Variants in LRRK1 observed in about 807,000 individuals in gnomAD.
LRRK1 encodes the protein leucine-rich repeat serine/threonine-protein kinase 1.
In LRRK1, 113 loss-of-function variants were observed where a neutral mutation model predicts 209.1. The observed-to-expected ratio is 0.54, with a 90% CI of 0.46 to 0.63. LRRK1 has a LOEUF of 0.63. LRRK1 is among the 30% of genes least tolerant of loss of function. The probability of loss-of-function intolerance (pLI) is 0.00; values close to 1 mark genes in which losing one functional copy is unlikely to be tolerated. For synonymous variants in LRRK1, 1,144 were observed against 1,099.7 expected (o/e 1.04, Z -0.80); for missense variants, 2,284 against 2,632.2 (o/e 0.87, Z 2.89).
chr15:101,070,810 C>T lies in LRRK1; in HGVS notation c.*1962C>T, dbSNP rs1254752089. The T allele has an allele frequency of 6.7e-6, 1 of 148,792 alleles. No homozygotes were observed. The highest frequency in any genetic ancestry group is 1.5e-5 in the Non-Finnish European group (1 of 67,224). The allele number at this position is 148,792 out of a possible 1,614,324, so 9.2% of individuals were successfully genotyped here. ...AACTCTTAAAAAAAAAAAAAAAATA[C>T]AGGAAATGACTAATGAACTTGACTC... is the stretch of plus-strand genomic sequence containing the variant. On this transcript the variant is annotated 3_prime_UTR_variant, in exon 34 of 34. Coordinates refer to ENST00000388948, the MANE Select transcript of LRRK1 (RefSeq NM_024652.6).
At chr15:100,935,185 C>T (rs917238395) in intron 2 of LRRK1, among the ~76,000 whole-genome samples, 12 of 152,204 alleles carry the variant, frequency 7.9e-5, no homozygotes, top group African/African-American at 2.9e-4. Flanking sequence ...CTGCACTCTA[C>T]TGTCAGGAGT....
rs1296002119 is a variant in LRRK1, at chr15:101,046,158, A to T, written c.3135+6A>T. On this transcript the variant is annotated splice_donor_region_variant and intron_variant, in intron 21 of 33. Transcript: ENST00000388948. ...TGGCGGAGATGGACCTGCAGGTATTATGGCTGCGGTTTCTGCATAGACAGA... is the reference window on the plus strand; with the variant it reads ...TGGCGGAGATGGACCTGCAGGTATTTTGGCTGCGGTTTCTGCATAGACAGA... 1 of 1,613,788 alleles carries T rather than the reference A, an allele frequency of 6.2e-7. No homozygotes were observed. Among genetic ancestry groups the T allele is most frequent in the African/African-American group, 1.3e-5 (1 of 74,932 alleles).
intron 3 of LRRK1, among the ~76,000 whole-genome samples, chr15:100,980,737 C>T (rs186447810): frequency 2.6e-5 from 4 of 152,170 alleles, no homozygotes; most frequent in East Asian, 3.9e-4. Flanking sequence ...TCCACTTTTA[C>T]AGCACTTAAA....
intron 2 of LRRK1, among the ~76,000 whole-genome samples, chr15:100,931,649 G>T (rs954809653): frequency 1.3e-5 from 2 of 152,138 alleles, no homozygotes; most frequent in African/African-American, 4.8e-5. Context: ...GGGCTGGCGC[G>T]GGAGGCCAGG....
intron 29 of LRRK1, 126 bp from the exon 30 acceptor site, chr15:101,061,045 C>G (rs565623990): frequency 2.7e-6 from 2 of 733,586 alleles, no homozygotes; most frequent in South Asian, 3.3e-5. Flanking sequence ...CCTCTCAGAA[C>G]ACAGGATGCA....
At chr15:100,972,330 A>T (rs1174462791) in intron 2 of LRRK1, among the ~76,000 whole-genome samples, 1 of 118,730 alleles carries the variant, frequency 8.4e-6, no homozygotes, top group African/African-American at 3.4e-5. Context: ...ATATATATAT[A>T]TATATGAGAG....
Position 101,076,513 on chromosome 15 carries a change from C to T in LRRK1, c.*7665C>T, listed in dbSNP as rs1397371961. 2 of 152,262 alleles carry T rather than the reference C, an allele frequency of 1.3e-5. No homozygotes were observed. Among genetic ancestry groups the T allele is most frequent in the East Asian group, 1.9e-4 (1 of 5,202 alleles). 9.4% of individuals were successfully genotyped at this position (152,262 alleles called of 1,614,324 possible). A position where few individuals can be genotyped will look rare whatever the true frequency, so the allele number is the denominator to read the frequency against. The stretch of plus-strand genomic sequence containing the variant: ...TCTTCCCTGCTTCTCACCCTGATCA[C>T]ACTTGGTTTATGGATGGCAGTTCCA... On this transcript the variant is annotated 3_prime_UTR_variant, in exon 34 of 34. Coordinates refer to ENST00000388948, the MANE Select transcript of LRRK1 (RefSeq NM_024652.6).
At chr15:100,967,795 T>C (rs1481406887) in intron 2 of LRRK1, among the ~76,000 whole-genome samples, 2 of 152,260 alleles carry the variant, frequency 1.3e-5, no homozygotes, top group Non-Finnish European at 2.9e-5. Context: ...TCCACTCATT[T>C]TTAATGCATT....
At chr15:101,028,563 T>A (rs2034145614) in intron 19 of LRRK1, among the ~76,000 whole-genome samples, 1 of 152,258 alleles carries the variant, frequency 6.6e-6, no homozygotes, top group African/African-American at 2.4e-5. Flanking sequence ...AGAGTTGTCC[T>A]GTTCAGCCTC....
In LRRK1 at chr15:101,056,911, C is replaced by T; in HGVS notation, c.4388C>T (p.Pro1463Leu). 1 of 1,614,130 alleles carries T rather than the reference C, an allele frequency of 6.2e-7. No individual in the cohort carries two copies. Among genetic ancestry groups the T allele is most frequent in the Non-Finnish European group, 8.5e-7 (1 of 1,179,998 alleles). The part of the protein sequence containing the change: ...VLYELLSGQR[P>L]ALGHHQLQIA... The stretch of plus-strand genomic sequence containing the variant: ...TACGAGTTGCTGTCAGGACAGCGCC[C>T]TGCACTGGGCCACCACCAGCTCCAG... Residue 1463 changes from proline (P) to leucine (L), a missense_variant, in exon 28 of 34, where the codon CCT (proline) becomes CTT (leucine). Physicochemically the swap from Pro to Leu is moderately conservative, Grantham distance 98. This residue lies in a region of LRRK1 where 59 missense variants were observed against 103.8 expected (regional missense o/e 0.57). Transcript: ENST00000388948.
chr15:100,974,141 T>C, intron 3 of LRRK1, 174 bp downstream of exon 3: 1 of 479,246 alleles, frequency 2.1e-6, no homozygotes, highest in Non-Finnish European at 3.3e-6. Context: ...AACTGACTTC[T>C]CAGTCTGATA....
chr15:101,046,341 G>A (rs1276407600), intron 21 of LRRK1, among the ~76,000 whole-genome samples, 189 bp downstream of exon 21: 2 of 152,180 alleles, frequency 1.3e-5, no homozygotes, highest in African/African-American at 4.8e-5. Flanking sequence ...AGCCATCCTG[G>A]GAGTTCCAAA....
chr15:101,064,877 T>TGGGG lies in LRRK1; in HGVS notation c.4915-470_4915-467dup, dbSNP rs3840841. The TGGGG allele has an allele frequency of 2.8e-3, 446 of 161,196 alleles. 2 individuals carry two copies. Among genetic ancestry groups the TGGGG allele is most frequent in the African/African-American group, 9.8e-3 (400 of 40,852 alleles). The allele number at this position is 161,196 out of a possible 1,614,324, so 10.0% of individuals were successfully genotyped here. ...CATCCTTATGGAACACTCTGCCTGG[T>TGGGG]GGGGGGGGTGGCAGGCAGGGGGCAG... On this transcript the variant is annotated intron_variant, in intron 31 of 33. Coordinates refer to ENST00000388948, the MANE Select transcript of LRRK1 (RefSeq NM_024652.6).
chr15:101,022,077 G>A lies in LRRK1; in HGVS notation c.1852+120G>A. 1.4e-6 allele frequency: 1 copy of A among 692,848 alleles called. No individual in the cohort carries two copies. The highest frequency in any genetic ancestry group is 2.4e-6 in the Non-Finnish European group (1 of 412,254). 42.9% of individuals were successfully genotyped at this position (692,848 alleles called of 1,614,324 possible). A position where few individuals can be genotyped will look rare whatever the true frequency, so the allele number is the denominator to read the frequency against. On this transcript the variant is annotated intron_variant, in intron 14 of 33. Transcript: ENST00000388948. The surrounding 1 kb of genome is among the most constrained non-coding windows in gnomAD (Gnocchi z 4.0). Reference sequence around the variant, plus strand: ...CCATGGAGCCCAGCTCCAGGTTCCAGATTTGACAAGATGCTATAAAATTGT... The same window carrying A: ...CCATGGAGCCCAGCTCCAGGTTCCAAATTTGACAAGATGCTATAAAATTGT...
chr15:101,049,134 T>G (rs1445319390), intron 22 of LRRK1, among the ~76,000 whole-genome samples: 1 of 152,188 alleles, frequency 6.6e-6, no homozygotes, highest in African/African-American at 2.4e-5. Flanking sequence ...TTGAGAGCGG[T>G]AGACCTAAAG....
At chr15:100,972,366 G>A (rs2030973606) in intron 2 of LRRK1, among the ~76,000 whole-genome samples, 1 of 57,808 alleles carries the variant, frequency 1.7e-5, no homozygotes, top group Non-Finnish European at 3.6e-5. Flanking sequence ...GAGAGAGAGT[G>A]TGTGTGTGTG....
At chr15:100,941,394 G>GTC (rs2042418070) in intron 2 of LRRK1, among the ~76,000 whole-genome samples, 2 of 145,878 alleles carry the variant, frequency 1.4e-5, no homozygotes, top group African/African-American at 5.4e-5. Flanking sequence ...GTGTCTCTGT[G>GTC]TGTGTCTGTG....
At position 100,951,955 on chromosome 15, in the gene LRRK1, G is replaced by GAA. The variant is rs550237148; in HGVS notation, c.98-21839_98-21838dup. Among the ~76,000 whole-genome samples the GAA allele has an allele frequency of 3.8e-4, 51 of 135,212 alleles. 3 individuals are homozygous for GAA. Among genetic ancestry groups the GAA allele is most frequent in the East Asian group, 2.6e-3 (12 of 4,572 alleles). 88.7% of individuals were successfully genotyped at this position (135,212 alleles called of 152,430 possible). On this transcript the variant is annotated intron_variant, in intron 2 of 33. Transcript: ENST00000388948. The stretch of plus-strand genomic sequence containing the variant: ...GCAACAAGAGCGAAACTCCATCTCA[G>GAA]AAAAAAAAAAATAATAATAATAATA...
intron 12 of LRRK1, among the ~76,000 whole-genome samples, chr15:101,017,965 A>G (rs1467857797): frequency 1.3e-5 from 2 of 152,138 alleles, no homozygotes; most frequent in African/African-American, 4.8e-5. Flanking sequence ...GCTATGAGGG[A>G]GATCTTTAAA....
Sources: allele counts gnomAD v4.1 joint callset (sites outside exome capture counted in the v4.1 genomes callset), GRCh38; gene constraint gnomAD v4.1.1; regional missense constraint gnomAD v4.1.1; non-coding constraint Gnocchi (gnomAD v3.1); transcripts MANE v1.5; gene names NCBI Gene and HGNC (gene_info 2026-07-23, HGNC 2026-07-21).